Variants in MED30 observed in about 807,000 individuals in gnomAD.
MED30 encodes mediator complex subunit 30, also known as mediator of RNA polymerase II transcription subunit 30.
Under a neutral mutation model 21.7 loss-of-function variants are expected in MED30, and 8 were observed. The observed-to-expected ratio is 0.37, with a 90% CI of 0.22 to 0.67. MED30 has a LOEUF of 0.67. MED30 is among the 30% of genes least tolerant of loss of function. MED30 has a pLI of 0.58. For synonymous variants in MED30, 79 were observed against 86.7 expected (o/e 0.91, Z 0.49); for missense variants, 203 against 228.2 (o/e 0.89, Z 0.71).
In MED30 at chr8:117,526,809, A is replaced by G. The variant is rs114953192; in HGVS notation, c.178-1842A>G. On this transcript the variant is annotated intron_variant, in intron 1 of 3. Coordinates refer to ENST00000297347, the MANE Select transcript of MED30 (RefSeq NM_080651.4). ...TTAGTAAGTTTGGATCTTAGATTTA[A>G]CATCTAATATCTTTCTAAGTCAGCA... Among the ~76,000 whole-genome samples the G allele has an allele frequency of 9.2e-3, 1,393 of 152,118 alleles. 20 individuals are homozygous for G. The highest frequency in any genetic ancestry group is 0.031 in the African/African-American group (1,282 of 41,538).
intron 1 of MED30, chr8:117,523,416 T>A: frequency 6.4e-7 from 1 of 1,561,578 alleles, no homozygotes. Flanking sequence ...TTGTGAGTCT[T>A]GCAGGTCGCT....
intron 3 of MED30, among the ~76,000 whole-genome samples, chr8:117,531,037 G>A (rs1052919972): frequency 5.3e-5 from 8 of 151,994 alleles, no homozygotes; most frequent in African/African-American, 1.7e-4. Context: ...AAATTCATTC[G>A]ATAAAGCTCT....
At chr8:117,523,299 G>A (rs929615489) in intron 1 of MED30, 3 of 1,312,660 alleles carry the variant, frequency 2.3e-6, no homozygotes, top group Non-Finnish European at 3.3e-6. Context: ...GACCAAATCC[G>A]CCTCTAAACT....
At chr8:117,533,386 G>A (rs891411524) in intron 3 of MED30, among the ~76,000 whole-genome samples, 13 of 152,062 alleles carry the variant, frequency 8.5e-5, no homozygotes, top group Admixed American at 8.5e-4. Flanking sequence ...TGTATAAAAG[G>A]ACTTCTTTCT....
At chr8:117,532,914 C>T (rs202219326) in intron 3 of MED30, among the ~76,000 whole-genome samples, 57 of 151,970 alleles carry the variant, frequency 3.8e-4, no homozygotes, top group Non-Finnish European at 2.2e-4. Flanking sequence ...CTTATTAAGA[C>T]GTGTTATATG....
Position 117,520,783 on chromosome 8 carries a change from G to T in MED30, c.-94G>T. On this transcript the variant is annotated 5_prime_UTR_variant, in exon 1 of 4. Coordinates refer to ENST00000297347, the MANE Select transcript of MED30 (RefSeq NM_080651.4). ...CGGGCCGCGGGGGGTCTCTCAAGCT[G>T]GTTCCAACGCTGAGGCCCCACAGCC... 7.7e-7 allele frequency: 1 copy of T among 1,307,052 alleles called. No individual in the cohort carries two copies. Among genetic ancestry groups the T allele is most frequent in the Non-Finnish European group, 1.0e-6 (1 of 980,784 alleles). 81.0% of individuals were successfully genotyped at this position (1,307,052 alleles called of 1,614,324 possible).
intron 1 of MED30, among the ~76,000 whole-genome samples, chr8:117,521,404 GGA>G (rs1292685626): frequency 2.6e-5 from 4 of 151,996 alleles, no homozygotes; most frequent in Non-Finnish European, 5.9e-5. Flanking sequence ...GGAGGTCCAA[GGA>G]GTTGAAGAAT....
intron 1 of MED30, among the ~76,000 whole-genome samples, chr8:117,523,049 A>G (rs1818655166): frequency 1.3e-5 from 2 of 152,300 alleles, no homozygotes; most frequent in African/African-American, 2.4e-5. Flanking sequence ...AGCTCTTCCT[A>G]CTAACCTCTT....
intron 1 of MED30, among the ~76,000 whole-genome samples, chr8:117,525,019 C>G (rs1302096572): frequency 1.3e-5 from 2 of 152,130 alleles, no homozygotes; most frequent in Non-Finnish European, 2.9e-5. Flanking sequence ...TTTCATCTTT[C>G]CCTGTTAGGC....
rs745941466 is a variant in MED30, at chr8:117,528,807, G to A, written c.334G>A (p.Glu112Lys). 1.5e-5 allele frequency: 24 copies of A among 1,594,262 alleles called. No individual in the cohort carries two copies. The highest frequency in any genetic ancestry group is 9.5e-5 in the African/African-American group (7 of 73,994). Residue 112 changes from glutamate (E) to lysine (K), a missense_variant and splice_region_variant, in exon 2 of 4, where the codon GAG becomes AAG. Coordinates refer to ENST00000297347, the MANE Select transcript of MED30 (RefSeq NM_080651.4). ...TGGTGGGATGGATCCCATTCCAGTC[G>A]AGGTAATTTTTTGTGATAGAGGGAG... ...NCGGMDPIPV[E>K]QLIPYVEEDG...
At position 117,540,020 on chromosome 8, in the gene MED30, GTTTTTTCCCTCAAGTA is replaced by G. The variant is rs1173775957; in HGVS notation, c.*53_*68del. ...CCTGCTTTACACATGTTATACCATT[GTTTTTTCCCTCAAGTA>G]TTTTTTCCCTGTGAAGAAGATTATT... On this transcript the variant is annotated 3_prime_UTR_variant, in exon 4 of 4. Transcript: ENST00000297347. 2.6e-6 allele frequency: 3 copies of G among 1,156,160 alleles called. No individual in the cohort carries two copies. Among genetic ancestry groups the G allele is most frequent in the Non-Finnish European group, 3.7e-6 (3 of 821,328 alleles). The allele number at this position is 1,156,160 out of a possible 1,614,324, so 71.6% of individuals were successfully genotyped here.
chr8:117,534,564 T>C (rs1442721598), intron 3 of MED30, among the ~76,000 whole-genome samples: 1 of 152,172 alleles, frequency 6.6e-6, no homozygotes, highest in Non-Finnish European at 1.5e-5. Flanking sequence ...GTTTAGGTGT[T>C]TTAAATGAAC....
At chr8:117,538,740 A>G (rs111322312) in intron 3 of MED30, among the ~76,000 whole-genome samples, 37 of 152,288 alleles carry the variant, frequency 2.4e-4, no homozygotes, top group African/African-American at 8.7e-4. Flanking sequence ...TTGAAGAAAG[A>G]ATGGTTAAAA....
chr8:117,526,695 T>C (rs886589093), intron 1 of MED30, among the ~76,000 whole-genome samples: 7 of 152,034 alleles, frequency 4.6e-5, no homozygotes, highest in African/African-American at 1.7e-4. Flanking sequence ...GTCTCTCTGA[T>C]GTTTACTGCT....
At position 117,520,969 on chromosome 8, in the gene MED30, G is replaced by T. The variant is rs199797593; in HGVS notation, c.93G>T (p.Ala31=). 2.1e-4 allele frequency: 346 copies of T among 1,613,064 alleles called. 6 individuals carry two copies. In the South Asian group the frequency reaches 3.5e-3, roughly 16 times the overall value. ...AQQAAREVNT[A]SLCRIGQETV... Reference sequence around the variant, plus strand: ...AGGCCGCCCGGGAAGTCAACACGGCGTCGCTGTGCCGCATCGGGCAGGAGA... The same window carrying T: ...AGGCCGCCCGGGAAGTCAACACGGCTTCGCTGTGCCGCATCGGGCAGGAGA... The change falls in exon 1 of 4, where the codon GCG becomes GCT. Residue 31 remains alanine, a synonymous_variant. Transcript: ENST00000297347.
intron 1 of MED30, chr8:117,523,215 T>A (rs1322789950): frequency 2.5e-6 from 2 of 802,400 alleles, no homozygotes; most frequent in Non-Finnish European, 4.0e-6. Context: ...TTTAAGTTTT[T>A]TTTTTTTGTC....
intron 2 of MED30, among the ~76,000 whole-genome samples, chr8:117,529,443 T>C (rs1157636637): frequency 6.6e-6 from 1 of 151,728 alleles, no homozygotes; most frequent in Non-Finnish European, 1.5e-5. Flanking sequence ...AGATCAGAAA[T>C]GTGGCCTACA....
intron 2 of MED30, 167 bp downstream of exon 2, chr8:117,528,976 A>C (rs1188371824): frequency 4.9e-6 from 2 of 410,766 alleles, no homozygotes; most frequent in Non-Finnish European, 8.5e-6. Context: ...TATGCATAAA[A>C]TACTACTATA....
intron 1 of MED30, among the ~76,000 whole-genome samples, chr8:117,522,239 C>G (rs1417835744): frequency 1.3e-5 from 2 of 152,134 alleles, no homozygotes; most frequent in African/African-American, 4.8e-5. Context: ...GCTGTCATAC[C>G]TAAGAAATCT....
Sources: gnomAD v4.1 joint callset for allele counts (sites outside exome capture counted in the v4.1 genomes callset) on GRCh38, gnomAD v4.1.1 for gene constraint, MANE v1.5 for transcripts, NCBI Gene and HGNC (gene_info 2026-07-23, HGNC 2026-07-21) for gene names.